Variants in MAN2A1 observed in about 807,000 individuals in gnomAD.
MAN2A1 encodes the protein mannosidase alpha class 2A member 1, also known as alpha-mannosidase 2.
In MAN2A1, 76 loss-of-function variants were observed where a neutral mutation model predicts 142.6. The observed-to-expected ratio is 0.53, with a 90% CI of 0.44 to 0.65. MAN2A1 has a LOEUF of 0.65. MAN2A1 is among the 30% of genes least tolerant of loss of function. The pLI, the probability that MAN2A1 is intolerant of heterozygous loss-of-function variation, is 0.00. For synonymous variants in MAN2A1, 559 were observed against 473.2 expected (o/e 1.18, Z -2.35); for missense variants, 1,311 against 1,365.1 (o/e 0.96, Z 0.62).
chr5:109,836,273 C>T (rs1755052574), intron 16 of MAN2A1, among the ~76,000 whole-genome samples: 1 of 150,370 alleles, frequency 6.7e-6, no homozygotes, highest in Non-Finnish European at 1.5e-5. Flanking sequence ...CCACACCTGG[C>T]TAATTTTTGT....
At chr5:109,852,574 T>C (rs770029520) in intron 19 of MAN2A1, among the ~76,000 whole-genome samples, 26 of 152,162 alleles carry the variant, frequency 1.7e-4, no homozygotes, top group Non-Finnish European at 2.8e-4. Flanking sequence ...GAGGAAGAGC[T>C]GTACTTTGTG....
intron 5 of MAN2A1, among the ~76,000 whole-genome samples, chr5:109,758,621 A>T (rs1009818387): frequency 9.3e-5 from 14 of 150,128 alleles, no homozygotes; most frequent in South Asian, 2.1e-4. Context: ...AACTAGTTTT[A>T]TGGTTTTAGC....
chr5:109,865,629 T>C (rs1046534509), intron 21 of MAN2A1, among the ~76,000 whole-genome samples: 14 of 152,250 alleles, frequency 9.2e-5, no homozygotes, highest in African/African-American at 3.4e-4. Flanking sequence ...AGGAGGCAGC[T>C]GTACGTAGCG....
intron 3 of MAN2A1, among the ~76,000 whole-genome samples, chr5:109,724,923 A>G (rs1445894598): frequency 6.6e-6 from 1 of 152,188 alleles, no homozygotes; most frequent in East Asian, 1.9e-4. Context: ...TTTTATCTTT[A>G]GTTTCATTTC....
At chr5:109,716,022 C>G in intron 2 of MAN2A1, 98 bp from the exon 3 acceptor site, 2 of 709,180 alleles carry the variant, frequency 2.8e-6, no homozygotes, top group Non-Finnish European at 4.5e-6. Flanking sequence ...TTATAAAATA[C>G]ATATGCAGAG....
intron 3 of MAN2A1, among the ~76,000 whole-genome samples, chr5:109,724,521 A>T (rs1379188574): frequency 6.6e-6 from 1 of 152,170 alleles, no homozygotes; most frequent in African/African-American, 2.4e-5. Context: ...TTGAAATGGA[A>T]AAAAAATCTT....
intron 16 of MAN2A1, among the ~76,000 whole-genome samples, chr5:109,833,515 C>T (rs1377189888): frequency 3.3e-5 from 5 of 152,098 alleles, no homozygotes; most frequent in East Asian, 1.9e-4. Context: ...CAAAAAAATC[C>T]GAAAACCAGT....
At chr5:109,842,500 T>C (rs1301240119) in intron 17 of MAN2A1, 39 bp downstream of exon 17, 1 of 1,379,574 alleles carries the variant, frequency 7.2e-7, no homozygotes. Flanking sequence ...ATGGTTGTAT[T>C]GGTGTGTAAT....
At chr5:109,841,037 C>G (rs535654594) in intron 16 of MAN2A1, among the ~76,000 whole-genome samples, 3 of 152,210 alleles carry the variant, frequency 2.0e-5, no homozygotes, top group Non-Finnish European at 2.9e-5. Context: ...CTTTCTGAAC[C>G]TCAGAAAGCG....
At chr5:109,693,194 A>C (rs2112533940) in intron 1 of MAN2A1, among the ~76,000 whole-genome samples, 1 of 152,230 alleles carries the variant, frequency 6.6e-6, no homozygotes, top group African/African-American at 2.4e-5. Context: ...TACCCTTCCC[A>C]GAATGTCTTT....
chr5:109,806,596 C>T (rs898524427), intron 12 of MAN2A1, among the ~76,000 whole-genome samples: 1 of 152,096 alleles, frequency 6.6e-6, no homozygotes, highest in African/African-American at 2.4e-5. Context: ...TAACATAGAG[C>T]TTTCTAGAAT....
chr5:109,787,420 A>G (rs1753622673), intron 10 of MAN2A1, among the ~76,000 whole-genome samples: 1 of 152,018 alleles, frequency 6.6e-6, no homozygotes, highest in Non-Finnish European at 1.5e-5. Flanking sequence ...TTTGGAAATT[A>G]GAGGCCCTGA....
At chr5:109,798,054 G>C (rs369241310) in intron 12 of MAN2A1, among the ~76,000 whole-genome samples, 1 of 136,108 alleles carries the variant, frequency 7.3e-6, no homozygotes, top group Admixed American at 7.1e-5. Flanking sequence ...TAAAAATGAA[G>C]AATTAAAAAG....
intron 15 of MAN2A1, among the ~76,000 whole-genome samples, chr5:109,821,936 C>T (rs1453522206): frequency 1.3e-5 from 2 of 151,432 alleles, no homozygotes; most frequent in African/African-American, 4.8e-5. Flanking sequence ...TCTTCCTTTG[C>T]TTTTATACCT....
chr5:109,733,385 A>G (rs1239861394), intron 4 of MAN2A1, among the ~76,000 whole-genome samples: 1 of 152,164 alleles, frequency 6.6e-6, no homozygotes, highest in Non-Finnish European at 1.5e-5. Context: ...CCTGGCCAGA[A>G]CTTCCAACAC....
At chr5:109,740,272 C>A (rs1752229939) in intron 4 of MAN2A1, among the ~76,000 whole-genome samples, 1 of 152,146 alleles carries the variant, frequency 6.6e-6, no homozygotes, top group African/African-American at 2.4e-5. Flanking sequence ...GTAAATAGGA[C>A]AGAGTGAGAG....
intron 12 of MAN2A1, among the ~76,000 whole-genome samples, chr5:109,812,190 G>A (rs556123590): frequency 3.8e-4 from 58 of 152,176 alleles, no homozygotes; most frequent in Non-Finnish European, 7.1e-4. Flanking sequence ...CTTGTTTCCC[G>A]ATTTTATAGA....
chr5:109,782,028 A>C (rs1753473064), intron 9 of MAN2A1, among the ~76,000 whole-genome samples: 1 of 152,178 alleles, frequency 6.6e-6, no homozygotes, highest in East Asian at 1.9e-4. Context: ...TGAGCTTCAA[A>C]GTTCACAGTC....
chr5:109,733,800 C>G (rs1022072088), intron 4 of MAN2A1, among the ~76,000 whole-genome samples: 3 of 152,148 alleles, frequency 2.0e-5, no homozygotes, highest in South Asian at 2.1e-4. Context: ...CATTGTTCAT[C>G]AAGGATATTG....
Sources: gnomAD v4.1 joint callset for allele counts (sites outside exome capture counted in the v4.1 genomes callset) on GRCh38, gnomAD v4.1.1 for gene constraint, MANE v1.5 for transcripts, NCBI Gene and HGNC (gene_info 2026-07-23, HGNC 2026-07-21) for gene names.